Variants in PRKAR2B observed in about 807,000 individuals in gnomAD.
PRKAR2B encodes cAMP-dependent protein kinase type II-beta regulatory subunit.
In PRKAR2B, 14 loss-of-function variants were observed where a neutral mutation model predicts 49.9. The ratio of observed to expected loss-of-function variants is 0.28; its 90% confidence interval spans 0.19 to 0.44. PRKAR2B has a LOEUF of 0.44. Among genes scored for constraint, PRKAR2B ranks in the 20% least tolerant of loss-of-function variants. The probability of loss-of-function intolerance (pLI) is 1.00; values close to 1 mark genes in which losing one functional copy is unlikely to be tolerated. For synonymous variants in PRKAR2B, 196 were observed against 197.7 expected (o/e 0.99, Z 0.07); for missense variants, 393 against 537.9 (o/e 0.73, Z 2.67).
At chr7:107,094,108 AC>A (rs1241465976) in intron 2 of PRKAR2B, among the ~76,000 whole-genome samples, 3 of 152,210 alleles carry the variant, frequency 2.0e-5, no homozygotes, top group African/African-American at 4.8e-5. Flanking sequence ...CAACAGTTGA[AC>A]TAGTTTACAG....
intron 2 of PRKAR2B, among the ~76,000 whole-genome samples, chr7:107,082,534 C>T (rs1794532734): frequency 6.6e-6 from 1 of 152,104 alleles, no homozygotes; most frequent in East Asian, 1.9e-4. Flanking sequence ...TGTTATATTA[C>T]ATAGACAATT....
intron 5 of PRKAR2B, among the ~76,000 whole-genome samples, chr7:107,144,774 T>A (rs1212097404): frequency 6.8e-6 from 1 of 148,078 alleles, no homozygotes; most frequent in Non-Finnish European, 1.5e-5. Flanking sequence ...AATTTTCTAA[T>A]GTTAAAAGCC....
intron 1 of PRKAR2B, among the ~76,000 whole-genome samples, chr7:107,053,213 A>G (rs1425165786): frequency 1.3e-5 from 2 of 152,208 alleles, no homozygotes; most frequent in African/African-American, 4.8e-5. Flanking sequence ...TACCTTTATT[A>G]GCAAAATATA....
In PRKAR2B at chr7:107,127,132, A is replaced by T. The variant is rs142952055; in HGVS notation, c.397-1080A>T. On this transcript the variant is annotated intron_variant, in intron 3 of 10. Coordinates refer to ENST00000265717, the MANE Select transcript of PRKAR2B (RefSeq NM_002736.3). ...TTTGAAATGCTGATTTAAATTTCCCATTGTGAGTTTTGATGTTTGTGGCTA... is the reference window on the plus strand; with the variant it reads ...TTTGAAATGCTGATTTAAATTTCCCTTTGTGAGTTTTGATGTTTGTGGCTA... Among the ~76,000 whole-genome samples, 1,387 of 152,282 alleles carry T rather than the reference A, an allele frequency of 9.1e-3. 25 individuals are homozygous for T. Among genetic ancestry groups the T allele is most frequent in the African/African-American group, 0.032 (1,328 of 41,550 alleles).
intron 3 of PRKAR2B, 100 bp downstream of exon 3, chr7:107,122,104 G>A: frequency 1.5e-6 from 1 of 675,546 alleles, no homozygotes; most frequent in Non-Finnish European, 2.4e-6. Flanking sequence ...AGGTTAACAG[G>A]AGACATAATG....
intron 2 of PRKAR2B, among the ~76,000 whole-genome samples, chr7:107,102,113 A>C (rs1341629080): frequency 6.6e-6 from 1 of 152,142 alleles, no homozygotes; most frequent in Non-Finnish European, 1.5e-5. Context: ...AGGCTGAGGC[A>C]GAGAATTGCT....
rs180906172 is a variant in PRKAR2B, at chr7:107,140,968, A to C, written c.587+15A>C. The C allele has an allele frequency of 2.2e-5, 34 of 1,566,756 alleles. No homozygotes were observed. In the East Asian group the frequency reaches 7.7e-4, roughly 35 times the overall value. ...GTAATTGATAGGTAAGTTTTGCCCA[A>C]CCTTACTATTGAAATTGAAAGAACC... On this transcript the variant is annotated intron_variant, in intron 5 of 10. Coordinates refer to ENST00000265717, the MANE Select transcript of PRKAR2B (RefSeq NM_002736.3).
intron 3 of PRKAR2B, among the ~76,000 whole-genome samples, chr7:107,122,625 C>T (rs996488890): frequency 6.6e-6 from 1 of 152,178 alleles, no homozygotes; most frequent in Non-Finnish European, 1.5e-5. Context: ...CACCCTCCCC[C>T]CCTTTTTTTG....
chr7:107,089,519 A>G (rs1377978208), intron 2 of PRKAR2B, among the ~76,000 whole-genome samples: 2 of 152,220 alleles, frequency 1.3e-5, no homozygotes, highest in Non-Finnish European at 2.9e-5. Flanking sequence ...GTTTCCATGT[A>G]TCAGTTTTGC....
chr7:107,138,997 AG>A (rs940299663), intron 4 of PRKAR2B, among the ~76,000 whole-genome samples: 1 of 152,180 alleles, frequency 6.6e-6, no homozygotes, highest in Non-Finnish European at 1.5e-5. Flanking sequence ...TCTATTTTAA[AG>A]AAAAAAAAAT....
At chr7:107,078,779 C>G (rs780106522) in intron 2 of PRKAR2B, among the ~76,000 whole-genome samples, 1 of 152,184 alleles carries the variant, frequency 6.6e-6, no homozygotes, top group Non-Finnish European at 1.5e-5. Flanking sequence ...TAAGCTACCT[C>G]AAGGCTAATG....
intron 8 of PRKAR2B, among the ~76,000 whole-genome samples, chr7:107,156,348 G>A (rs1212094958): frequency 2.0e-5 from 3 of 152,120 alleles, no homozygotes; most frequent in Admixed American, 1.3e-4. Flanking sequence ...TGAGGTGGGA[G>A]AGTCGCCTGA....
At chr7:107,111,357 C>G (rs1795168749) in intron 2 of PRKAR2B, among the ~76,000 whole-genome samples, 2 of 152,204 alleles carry the variant, frequency 1.3e-5, no homozygotes, top group African/African-American at 4.8e-5. Flanking sequence ...GGACACAAGC[C>G]TGGCTGACTT....
intron 2 of PRKAR2B, among the ~76,000 whole-genome samples, chr7:107,106,261 C>T (rs1008596375): frequency 1.2e-4 from 18 of 152,178 alleles, no homozygotes; most frequent in Non-Finnish European, 1.6e-4. Flanking sequence ...CATTTAAGGT[C>T]TTGGGAACCC....
At chr7:107,101,502 C>T (rs1794965333) in intron 2 of PRKAR2B, among the ~76,000 whole-genome samples, 1 of 152,240 alleles carries the variant, frequency 6.6e-6, no homozygotes. Flanking sequence ...CCCACACTGC[C>T]TTCCAGGCAG....
In PRKAR2B at chr7:107,128,979, G is replaced by T. The variant is rs1467517209; in HGVS notation, c.480+684G>T. 2.6e-5 allele frequency: 4 copies of T among 152,144 alleles called. No homozygotes were observed. The East Asian group carries it at 7.7e-4, about 29-fold the overall frequency. The allele number at this position is 152,144 out of a possible 1,614,324, so 9.4% of individuals were successfully genotyped here. A position where few individuals can be genotyped will look rare whatever the true frequency, so the allele number is the denominator to read the frequency against. On this transcript the variant is annotated intron_variant, in intron 4 of 10. Coordinates refer to ENST00000265717, the MANE Select transcript of PRKAR2B (RefSeq NM_002736.3). ...CATTGCTGTATAGTTATTTAGGAGTGAACCTCTGCTGCCATATTCCAAATG... is the reference window on the plus strand; with the variant it reads ...CATTGCTGTATAGTTATTTAGGAGTTAACCTCTGCTGCCATATTCCAAATG...
chr7:107,071,841 A>G (rs1794282825), intron 2 of PRKAR2B, among the ~76,000 whole-genome samples: 1 of 152,136 alleles, frequency 6.6e-6, no homozygotes, highest in Admixed American at 6.5e-5. Context: ...TGAGGCGGGC[A>G]GATCACGAGG....
intron 1 of PRKAR2B, among the ~76,000 whole-genome samples, chr7:107,065,617 A>G (rs1015935356): frequency 2.0e-5 from 3 of 152,052 alleles, no homozygotes; most frequent in Non-Finnish European, 4.4e-5. Flanking sequence ...AACTAGACTT[A>G]ATAAGCTCTT....
chr7:107,136,611 G>C (rs376441471), intron 4 of PRKAR2B, among the ~76,000 whole-genome samples: 1 of 152,262 alleles, frequency 6.6e-6, no homozygotes, highest in East Asian at 1.9e-4. Context: ...CAATGAGATA[G>C]TACTACACAT....
Sources: allele counts gnomAD v4.1 joint callset (sites outside exome capture counted in the v4.1 genomes callset), GRCh38; gene constraint gnomAD v4.1.1; transcripts MANE v1.5; gene names NCBI Gene and HGNC (gene_info 2026-07-23, HGNC 2026-07-21).